LOC400499: variants seen among roughly 807,000 people sequenced by gnomAD.
chr16:11,420,518 A>G, the LOC400499 span, among the ~76,000 whole-genome samples: 1 of 150,636 alleles, frequency 6.6e-6, no homozygotes, highest in Non-Finnish European at 1.5e-5. Context: ...TGGGTGCAGC[A>G]CACCAGCATG....
At chr16:11,389,406 G>A in the LOC400499 span, among the ~76,000 whole-genome samples, 1 of 152,190 alleles carries the variant, frequency 6.6e-6, no homozygotes, top group Admixed American at 6.5e-5. Context: ...AACAGGCCAG[G>A]TGCAGTGGCT....
chr16:11,401,330 A>C, the LOC400499 span: 1 of 399,272 alleles, frequency 2.5e-6, no homozygotes, highest in Non-Finnish European at 4.4e-6. Context: ...CCGCCAAGGG[A>C]GGTTGAATGG....
the LOC400499 span, among the ~76,000 whole-genome samples, chr16:11,389,674 A>C: frequency 7.1e-6 from 1 of 141,306 alleles, no homozygotes; most frequent in African/African-American, 2.6e-5. Flanking sequence ...AACAAGAGCA[A>C]AACTCCATCT....
the LOC400499 span, chr16:11,401,388 GGGA>G: frequency 2.0e-4 from 80 of 399,876 alleles, no homozygotes; most frequent in African/African-American, 1.6e-3. Context: ...CCCAGCCACA[GGGA>G]GGAGGAGACC....
At chr16:11,516,109 A>G in the LOC400499 span, 1 of 399,208 alleles carries the variant, frequency 2.5e-6, no homozygotes, top group African/African-American at 2.1e-5. Flanking sequence ...GGCCACCTCT[A>G]CCCCCTACCC....
At chr16:11,432,283 G>A in the LOC400499 span, among the ~76,000 whole-genome samples, 6 of 152,324 alleles carry the variant, frequency 3.9e-5, no homozygotes, top group Non-Finnish European at 5.9e-5. Context: ...CCACAGAATC[G>A]TGAGCAAACA....
the LOC400499 span, among the ~76,000 whole-genome samples, chr16:11,495,189 G>T: frequency 6.7e-6 from 1 of 149,236 alleles, no homozygotes; most frequent in Non-Finnish European, 1.5e-5. Context: ...ACCCTGGGTG[G>T]CAGAGCGAAA....
At chr16:11,498,054 T>G in the LOC400499 span, among the ~76,000 whole-genome samples, 1 of 152,072 alleles carries the variant, frequency 6.6e-6, no homozygotes, top group Non-Finnish European at 1.5e-5. Flanking sequence ...CAACCCTCCC[T>G]GAAAAGCTAA....
chr16:11,474,703 C>CAAAA, the LOC400499 span, among the ~76,000 whole-genome samples: 12 of 138,606 alleles, frequency 8.7e-5, no homozygotes, highest in African/African-American at 2.9e-4. Flanking sequence ...CTACAAAATA[C>CAAAA]AAAAAAAAAA....
At chr16:11,441,040 G>T in the LOC400499 span, 3 of 399,052 alleles carry the variant, frequency 7.5e-6, no homozygotes, top group Non-Finnish European at 8.8e-6. Context: ...ACTTTCCGGT[G>T]GACTTTCAAA....
chr16:11,506,714 G>A, the LOC400499 span, among the ~76,000 whole-genome samples: 3,786 of 152,254 alleles, frequency 0.025, 134 homozygotes, highest in African/African-American at 0.087. Context: ...GGCCCGACTC[G>A]GGGGTTTGCT....
chr16:11,526,859 T>C, the LOC400499 span, among the ~76,000 whole-genome samples: 2 of 152,144 alleles, frequency 1.3e-5, no homozygotes, highest in Non-Finnish European at 2.9e-5. Flanking sequence ...GGGCTTCAGA[T>C]CTGGTCTCTG....
At chr16:11,488,070 T>C in the LOC400499 span, among the ~76,000 whole-genome samples, 26 of 151,734 alleles carry the variant, frequency 1.7e-4, no homozygotes, top group African/African-American at 4.1e-4. Context: ...TGAGACAAGA[T>C]TGTGCCACTG....
At chr16:11,470,489 G>A in the LOC400499 span, 2 of 152,146 alleles carry the variant, frequency 1.3e-5, no homozygotes, top group Admixed American at 6.6e-5. Flanking sequence ...GTCCCCCGGA[G>A]CCTTTTCTTA....
the LOC400499 span, chr16:11,487,334 G>C: frequency 1.0e-5 from 4 of 399,644 alleles, no homozygotes; most frequent in African/African-American, 2.1e-5. Context: ...GAAGAAAGGA[G>C]GCAGGAGAGA....
At chr16:11,510,213 T>C in the LOC400499 span, among the ~76,000 whole-genome samples, 2 of 137,510 alleles carry the variant, frequency 1.5e-5, no homozygotes, top group African/African-American at 5.0e-5. Flanking sequence ...CAATGCTCCT[T>C]AGCAAAGGCG....
chr16:11,501,959 G>C, the LOC400499 span: 1 of 395,926 alleles, frequency 2.5e-6, no homozygotes, highest in Non-Finnish European at 4.5e-6. Flanking sequence ...CAAGGGGACG[G>C]GATGACGCAT....
At chr16:11,439,555 G>C in the LOC400499 span, 5 of 399,106 alleles carry the variant, frequency 1.3e-5, no homozygotes, top group African/African-American at 2.1e-5. Flanking sequence ...CAAAGTCGGA[G>C]TCAGATCCGT....
the LOC400499 span, among the ~76,000 whole-genome samples, chr16:11,452,473 G>C: frequency 2.0e-5 from 3 of 152,118 alleles, no homozygotes; most frequent in African/African-American, 4.8e-5. Flanking sequence ...CATGATCAAG[G>C]GCGCCCCTCT....
Sources: allele counts gnomAD v4.1 joint callset (sites outside exome capture counted in the v4.1 genomes callset), GRCh38; gene constraint gnomAD v4.1.1; transcripts MANE v1.5.